Variants in KPNA3 observed in about 807,000 individuals in gnomAD.
The protein encoded by KPNA3 is importin subunit alpha-4.
A neutral mutation model predicts 73.8 loss-of-function variants in KPNA3; 13 were observed. The observed-to-expected ratio is 0.18, with a 90% CI of 0.11 to 0.28. The LOEUF (loss-of-function observed/expected upper bound fraction) is 0.28, where lower values mean the gene tolerates loss of function less well. KPNA3 is among the 10% of genes least tolerant of loss of function. The probability of loss-of-function intolerance (pLI) is 1.00; values close to 1 mark genes in which losing one functional copy is unlikely to be tolerated. For synonymous variants in KPNA3, 186 were observed against 206.9 expected, an observed-to-expected ratio of 0.90 and a Z score of 0.87; for missense variants, 360 against 618.1, an observed-to-expected ratio of 0.58 and a Z score of 4.43.
At position 49,702,985 on chromosome 13, in the gene KPNA3, A is replaced by C. The variant is rs539205281; in HGVS notation, c.1373-505T>G. Among the ~76,000 whole-genome samples the C allele has an allele frequency of 2.5e-4, 37 of 150,906 alleles. No individual in the cohort carries two copies. In the South Asian group the frequency reaches 7.4e-3, roughly 30 times the overall value. On this transcript the variant is annotated intron_variant, in intron 15 of 16. Transcript: ENST00000261667. Reference sequence around the variant, plus strand: ...CTGGGTTCATGCCATTCTCCCGCCTAAGCCTCCCAAGTAGCTGGGACTACA... The same window carrying C: ...CTGGGTTCATGCCATTCTCCCGCCTCAGCCTCCCAAGTAGCTGGGACTACA...
In KPNA3 at chr13:49,737,863, T is replaced by A. The variant is rs1954538717; in HGVS notation, c.115-4817A>T. Among the ~76,000 whole-genome samples the A allele has an allele frequency of 2.6e-5, 4 of 152,304 alleles. No homozygotes were observed. In the South Asian group the frequency reaches 8.3e-4, roughly 32 times the overall value. ...GTTTAACAGATATTTTCTTCCAATA[T>A]CTAACTTGTCTTTTCTATCTTTTCA... On this transcript the variant is annotated intron_variant, in intron 2 of 16. Coordinates refer to ENST00000261667, the MANE Select transcript of KPNA3 (RefSeq NM_002267.4).
intron 10 of KPNA3, among the ~76,000 whole-genome samples, chr13:49,719,201 C>T (rs1262307065): frequency 6.6e-6 from 1 of 152,054 alleles, no homozygotes; most frequent in Non-Finnish European, 1.5e-5. Context: ...AAAAAAATCA[C>T]CTAAAAATGC....
At position 49,792,650 on chromosome 13, in the gene KPNA3, T is replaced by C. The variant is rs1466662249; in HGVS notation, c.-144A>G. ...TTCTGTGACGCCTCCGAGCGCGAGG[T>C]GGCAGTAGCGCCGGGGGAGGCGCGG... is the stretch of plus-strand genomic sequence containing the variant. On this transcript the variant is annotated 5_prime_UTR_variant, in exon 1 of 17. Transcript: ENST00000261667. 7.8e-6 allele frequency: 2 copies of C among 256,290 alleles called. No homozygotes were observed. The highest frequency in any genetic ancestry group is 2.0e-4 in the East Asian group (1 of 4,952). The allele number at this position is 256,290 out of a possible 1,614,324, so 15.9% of individuals were successfully genotyped here. A position where few individuals can be genotyped will look rare whatever the true frequency, so the allele number is the denominator to read the frequency against.
chr13:49,775,198 AAAG>A (rs1325178255), intron 1 of KPNA3, among the ~76,000 whole-genome samples: 1 of 151,332 alleles, frequency 6.6e-6, no homozygotes, highest in African/African-American at 2.4e-5. Flanking sequence ...AAAAAAGAAA[AAAG>A]AATATATTCT....
At chr13:49,730,510 ACT>A (rs1420976474) in intron 6 of KPNA3, among the ~76,000 whole-genome samples, 1 of 111,274 alleles carries the variant, frequency 9.0e-6, no homozygotes, top group African/African-American at 3.6e-5. Context: ...ACAGAGCGAG[ACT>A]CTGTCTCAAA....
At chr13:49,730,614 T>A (rs866537935) in intron 6 of KPNA3, among the ~76,000 whole-genome samples, 83 of 150,382 alleles carry the variant, frequency 5.5e-4, no homozygotes, top group African/African-American at 1.7e-3. Flanking sequence ...TTATTTATTT[T>A]ATTTTATTTT....
intron 15 of KPNA3, among the ~76,000 whole-genome samples, chr13:49,703,908 A>G (rs183813468): frequency 7.4e-4 from 113 of 152,334 alleles, no homozygotes; most frequent in African/African-American, 2.6e-3. Flanking sequence ...AAATATTAAT[A>G]TGTATCCTAT....
intron 15 of KPNA3, among the ~76,000 whole-genome samples, chr13:49,703,562 A>C (rs982365704): frequency 6.6e-6 from 1 of 152,224 alleles, no homozygotes; most frequent in Non-Finnish European, 1.5e-5. Context: ...ATATAACCAC[A>C]AAATGAGTTT....
chr13:49,709,793 G>A, intron 11 of KPNA3, 93 bp from the exon 12 acceptor site: 1 of 1,167,726 alleles, frequency 8.6e-7, no homozygotes. Flanking sequence ...AAAAATGCAA[G>A]GCATAAATAA....
chr13:49,728,134 C>T (rs2137549908), intron 6 of KPNA3, among the ~76,000 whole-genome samples: 1 of 151,490 alleles, frequency 6.6e-6, no homozygotes, highest in Admixed American at 6.6e-5. Flanking sequence ...ACTCGGGAGG[C>T]TGAGGCAGGA....
intron 10 of KPNA3, among the ~76,000 whole-genome samples, chr13:49,718,554 T>C (rs1014024607): frequency 6.6e-6 from 1 of 152,218 alleles, no homozygotes; most frequent in Non-Finnish European, 1.5e-5. Context: ...CCCCTTTTAA[T>C]CTTTGCTGTC....
At chr13:49,792,234 G>A (rs544446767) in intron 1 of KPNA3, among the ~76,000 whole-genome samples, 11 of 151,744 alleles carry the variant, frequency 7.2e-5, no homozygotes, top group African/African-American at 2.7e-4. Context: ...CGGTCGCCGC[G>A]CCGGCAGCTC....
At chr13:49,705,561 A>ACTCT in intron 15 of KPNA3, 60 bp downstream of exon 15, 2 of 1,533,430 alleles carry the variant, frequency 1.3e-6, no homozygotes, top group South Asian at 2.4e-5. Context: ...TTGACTTTAA[A>ACTCT]GAACTTATGT....
At chr13:49,732,818 A>AAAATT (rs1218022020) in intron 3 of KPNA3, 42 bp from the exon 4 acceptor site, 2 of 1,465,824 alleles carry the variant, frequency 1.4e-6, no homozygotes, top group South Asian at 2.4e-5. Flanking sequence ...GTTTATTAAC[A>AAAATT]AAATTACATT....
In KPNA3 at chr13:49,701,200, T is replaced by A. The variant is rs1340206022; in HGVS notation, c.*600A>T. On this transcript the variant is annotated 3_prime_UTR_variant, in exon 17 of 17. Transcript: ENST00000261667. ...ATCAATTACTGGTAGATGAAGTAGT[T>A]TTTTTTTTTTTTTAAACTTATCTGT... 1.7e-5 allele frequency: 2 copies of A among 116,670 alleles called. No individual in the cohort carries two copies. Among genetic ancestry groups the A allele is most frequent in the Non-Finnish European group, 4.2e-5 (2 of 48,106 alleles). 7.2% of individuals were successfully genotyped at this position (116,670 alleles called of 1,614,324 possible).
At chr13:49,725,309 A>T in intron 7 of KPNA3, 107 bp downstream of exon 7, 1 of 526,992 alleles carries the variant, frequency 1.9e-6, no homozygotes, top group Admixed American at 3.8e-5. Flanking sequence ...AACTTATAAA[A>T]GTCATCATTT....
At chr13:49,705,819 A>C (rs746435121) in intron 14 of KPNA3, 36 bp from the exon 15 acceptor site, 4 of 1,480,450 alleles carry the variant, frequency 2.7e-6, no homozygotes, top group Non-Finnish European at 9.1e-7. Context: ...TTTTATTTAT[A>C]TAATTATCTA....
chr13:49,709,929 A>G (rs1954244373), intron 11 of KPNA3, among the ~76,000 whole-genome samples: 1 of 152,194 alleles, frequency 6.6e-6, no homozygotes, highest in South Asian at 2.1e-4. Flanking sequence ...TTGGAAAAAG[A>G]TTCAAAAAAT....
rs751398841 is a variant in KPNA3 at position 49,701,806 on chromosome 13, A to T, written c.1560T>A (p.Asn520Lys). The change falls in exon 17 of 17, where the codon AAT (asparagine) becomes AAA (lysine). Residue 520 changes from asparagine to lysine, a missense_variant. Asn to Lys is a moderately conservative substitution (Grantham distance 94). This residue lies in a region of KPNA3 where 38 missense variants were observed against 39.0 expected (regional missense o/e 0.98). Transcript: ENST00000261667. ...PTANLQTKEF[N>K]F ...ATGCTGCACTCAACTGAATTTAAAA[A>T]TTAAATTCTTTTGTTTGAAGGTTGG... The T allele has an allele frequency of 3.1e-6, 5 of 1,591,594 alleles. No individual in the cohort carries two copies. The highest frequency in any genetic ancestry group is 4.3e-6 in the Non-Finnish European group (5 of 1,159,418).
Sources: allele counts gnomAD v4.1 joint callset (sites outside exome capture counted in the v4.1 genomes callset), GRCh38; gene constraint gnomAD v4.1.1; regional missense constraint gnomAD v4.1.1; transcripts MANE v1.5; gene names NCBI Gene and HGNC (gene_info 2026-07-23, HGNC 2026-07-21).